The following PRKN variants were observed in gnomAD, a reference collection of about 807,000 sequenced individuals.
The protein encoded by PRKN is parkin RBR E3 ubiquitin protein ligase, also known as E3 ubiquitin-protein ligase parkin.
Under a neutral mutation model 59.5 loss-of-function variants are expected in PRKN, and 56 were observed. The ratio of observed to expected loss-of-function variants is 0.94; its 90% CI spans 0.76 to 1.18. The LOEUF is 1.18. PRKN is among the 50% of genes most tolerant of loss of function. PRKN has a pLI of 0.00. For synonymous variants in PRKN, 250 were observed against 222.1 expected, an observed-to-expected ratio of 1.13 and a Z score of -1.12; for missense variants, 657 against 596.4, an observed-to-expected ratio of 1.10 and a Z score of -1.06.
Position 162,657,774 on chromosome 6 carries a change from C to T in PRKN, c.7+69888G>A, listed in dbSNP as rs1778701903. ...CCCCTGTCATGACTCATGACTGCTG[C>T]CATTTCAGTATGGTCTGGTGTCAGA... is the stretch of plus-strand genomic sequence containing the variant. On this transcript the variant is annotated intron_variant, in intron 1 of 11. Transcript: ENST00000366898. Among the ~76,000 whole-genome samples the T allele has an allele frequency of 3.3e-5, 5 of 152,222 alleles. No individual in the cohort carries two copies. The South Asian group carries it at 1.0e-3, about 32-fold the overall frequency.
At chr6:161,507,927 A>G (rs1222083203) in intron 9 of PRKN, among the ~76,000 whole-genome samples, 2 of 152,194 alleles carry the variant, frequency 1.3e-5, no homozygotes, top group Non-Finnish European at 2.9e-5. Flanking sequence ...ATAGGTGCTC[A>G]ATACATAATA....
At chr6:161,859,873 G>A (rs949333612) in intron 6 of PRKN, among the ~76,000 whole-genome samples, 3 of 152,152 alleles carry the variant, frequency 2.0e-5, no homozygotes, top group Admixed American at 6.5e-5. Flanking sequence ...AACAATAATG[G>A]CAATAATAAT....
intron 2 of PRKN, among the ~76,000 whole-genome samples, chr6:162,387,555 CAGAGAGAGAGAGAGAG>C (rs60548327): frequency 0.019 from 1,790 of 95,626 alleles, 68 homozygotes; most frequent in Admixed American, 0.1. Flanking sequence ...CACACACACA[CAGAGAGAGAGAGAGAG>C]AGAGAGAGAG....
intron 7 of PRKN, among the ~76,000 whole-genome samples, chr6:161,633,671 T>C (rs189687967): frequency 3.9e-5 from 6 of 152,326 alleles, no homozygotes; most frequent in African/African-American, 7.2e-5. Context: ...CTGTTGCCCA[T>C]GAATCTTCTA....
chr6:162,088,312 T>C (rs6939848), intron 4 of PRKN, among the ~76,000 whole-genome samples: 10,617 of 152,232 alleles, frequency 0.07, 506 homozygotes, highest in African/African-American at 0.12. Context: ...ATCCTTATTA[T>C]CTCTCAGCAG....
chr6:161,661,613 C>T (rs1234407239), intron 7 of PRKN, among the ~76,000 whole-genome samples: 1 of 150,672 alleles, frequency 6.6e-6, no homozygotes, highest in African/African-American at 2.5e-5. Context: ...TTATTAATTT[C>T]TTGTCCATTT....
At chr6:161,684,621 A>G (rs909953360) in intron 7 of PRKN, among the ~76,000 whole-genome samples, 2 of 152,234 alleles carry the variant, frequency 1.3e-5, no homozygotes, top group African/African-American at 2.4e-5. Context: ...TAGAAAATGT[A>G]TAGAGAAATG....
At position 162,396,294 on chromosome 6, in the gene PRKN, T is replaced by C. The variant is rs1186272937; in HGVS notation, c.171+47016A>G. ...TTAGGATTCGGAGTAGTTGAGGATG[T>C]GTTCCTCGTGTTTGAACAGGAGTGC... On this transcript the variant is annotated intron_variant, in intron 2 of 11. Coordinates refer to ENST00000366898, the MANE Select transcript of PRKN (RefSeq NM_004562.3). 2.0e-5 allele frequency among the ~76,000 whole-genome samples: 3 copies of C among 152,208 alleles called. No individual in the cohort carries two copies. In the East Asian group the frequency reaches 5.8e-4, roughly 29 times the overall value.
At chr6:162,548,539 T>G (rs542804978) in intron 1 of PRKN, among the ~76,000 whole-genome samples, 6 of 152,098 alleles carry the variant, frequency 3.9e-5, no homozygotes, top group Middle Eastern at 3.4e-3. Flanking sequence ...TAGAAACAAC[T>G]GACATTCAAA....
At chr6:162,046,463 G>A (rs1582949703) in intron 5 of PRKN, among the ~76,000 whole-genome samples, 5 of 152,288 alleles carry the variant, frequency 3.3e-5, no homozygotes, top group Admixed American at 3.3e-4. Flanking sequence ...TATGTATTTT[G>A]GAAGCTGCAT....
At chr6:162,713,352 C>T (rs539322543) in intron 1 of PRKN, among the ~76,000 whole-genome samples, 7 of 151,998 alleles carry the variant, frequency 4.6e-5, no homozygotes, top group African/African-American at 7.2e-5. Context: ...AAATTAGCCA[C>T]GCGTGCTGGC....
intron 4 of PRKN, among the ~76,000 whole-genome samples, chr6:162,143,033 C>T (rs1468164970): frequency 1.3e-5 from 2 of 152,134 alleles, no homozygotes; most frequent in Non-Finnish European, 2.9e-5. Flanking sequence ...AATACATGGC[C>T]AATTGTTCTA....
In PRKN at chr6:161,927,161, C is replaced by T. The variant is rs1007393286; in HGVS notation, c.734+46141G>A. Among the ~76,000 whole-genome samples, 6 of 152,180 alleles carry T rather than the reference C, an allele frequency of 3.9e-5. No individual in the cohort carries two copies. The East Asian group carries it at 1.2e-3, about 29-fold the overall frequency. On this transcript the variant is annotated intron_variant, in intron 6 of 11. Coordinates refer to ENST00000366898, the MANE Select transcript of PRKN (RefSeq NM_004562.3). ...AGTTTGCCAATGATAGTTTGTTAAC[C>T]AGTATTTTCCTTCCTTAGTAATCTT...
intron 5 of PRKN, among the ~76,000 whole-genome samples, chr6:161,999,343 C>T (rs752131959): frequency 1.3e-5 from 2 of 152,028 alleles, no homozygotes; most frequent in Non-Finnish European, 2.9e-5. Context: ...CCCATCTGGA[C>T]ACTGGACTTT....
At chr6:162,517,343 G>A (rs1342848301) in intron 1 of PRKN, among the ~76,000 whole-genome samples, 4 of 151,258 alleles carry the variant, frequency 2.6e-5, no homozygotes, top group Admixed American at 2.6e-4. Context: ...TGTCTCCCGG[G>A]TTCAAGCCAT....
chr6:162,600,923 A>G (rs558651128), intron 1 of PRKN, among the ~76,000 whole-genome samples: 3 of 152,040 alleles, frequency 2.0e-5, no homozygotes, highest in Non-Finnish European at 2.9e-5. Context: ...TTCTTTATAA[A>G]TTACCCAGTA....
rs76093624 is a variant in PRKN, at chr6:161,558,745, C to T, written c.934-9742G>A. Among the ~76,000 whole-genome samples, 1,330 of 151,994 alleles carry T rather than the reference C, an allele frequency of 8.8e-3. 16 individuals carry two copies. Among genetic ancestry groups the T allele is most frequent in the African/African-American group, 0.031 (1,265 of 41,458 alleles). On this transcript the variant is annotated intron_variant, in intron 8 of 11. Transcript: ENST00000366898. ...TGCAGATAATGTCCCATTTTCTATA[C>T]GCATTAGAAATTTTTTTCAAAAAAG...
chr6:162,688,373 G>T (rs191910373), intron 1 of PRKN, among the ~76,000 whole-genome samples: 1 of 151,922 alleles, frequency 6.6e-6, no homozygotes, highest in Non-Finnish European at 1.5e-5. Context: ...TGAGAACATG[G>T]GTGTATACAT....
chr6:161,997,571 T>G (rs1375545528), intron 5 of PRKN, among the ~76,000 whole-genome samples: 2 of 152,150 alleles, frequency 1.3e-5, no homozygotes, highest in African/African-American at 4.8e-5. Flanking sequence ...TGGTGGCTGT[T>G]ACTCATATTA....
Sources: gnomAD v4.1 joint callset for allele counts (sites outside exome capture counted in the v4.1 genomes callset) on GRCh38, gnomAD v4.1.1 for gene constraint, MANE v1.5 for transcripts, NCBI Gene and HGNC (gene_info 2026-07-23, HGNC 2026-07-21) for gene names.